The following ULK4 variants were observed in gnomAD, a reference collection of about 807,000 sequenced individuals.
ULK4 encodes inactive serine/threonine-protein kinase ULK4.
Under a neutral mutation model 160.6 loss-of-function variants are expected in ULK4, and 133 were observed. The ratio of observed to expected loss-of-function variants is 0.83; its 90% CI spans 0.72 to 0.96. The LOEUF is 0.96. Among genes scored for constraint, ULK4 ranks in the 40% least tolerant of loss-of-function variants. The pLI is 0.00. For missense variants in ULK4, 1,580 were observed against 1,499.5 expected (o/e 1.05, Z -0.89); for synonymous variants, 534 against 539.8 (o/e 0.99, Z 0.15).
Position 41,835,914 on chromosome 3 carries a change from G to GT in ULK4, c.1713dup (p.Gln572ThrfsTer25). The GT allele has an allele frequency of 1.2e-6, 2 of 1,610,132 alleles. No individual in the cohort carries two copies. The highest frequency in any genetic ancestry group is 1.7e-6 in the Non-Finnish European group (2 of 1,178,800). Reference sequence around the variant, plus strand: ...TCCCCAAGGGTTGGTAAAAGGCACTGTTTTAATTTGCTGTTCCTGAAGTTT... The same window carrying GT: ...TCCCCAAGGGTTGGTAAAAGGCACTGTTTTTAATTTGCTGTTCCTGAAGTTT... On this transcript the variant is annotated frameshift_variant, in exon 18 of 37. Coordinates refer to ENST00000301831, the MANE Select transcript of ULK4 (RefSeq NM_017886.4). LOFTEE classifies it high-confidence loss of function.
intron 31 of ULK4, among the ~76,000 whole-genome samples, chr3:41,574,868 G>T (rs1575436646): frequency 6.6e-6 from 1 of 152,166 alleles, no homozygotes; most frequent in Admixed American, 6.5e-5. Context: ...TTCTAAAGTG[G>T]TAGAGACTCT....
intron 17 of ULK4, among the ~76,000 whole-genome samples, chr3:41,858,608 T>C (rs1184158067): frequency 1.4e-5 from 2 of 144,558 alleles, no homozygotes; most frequent in African/African-American, 5.1e-5. Flanking sequence ...TCCTCCCACC[T>C]CAGCCTCCCA....
At chr3:41,644,502 T>G (rs1460536691) in intron 30 of ULK4, among the ~76,000 whole-genome samples, 5 of 152,222 alleles carry the variant, frequency 3.3e-5, no homozygotes, top group African/African-American at 4.8e-5. Flanking sequence ...CATTTATTGA[T>G]TTGTGTATAT....
At chr3:41,831,517 T>TTATATATATATATA (rs201753249) in intron 18 of ULK4, among the ~76,000 whole-genome samples, 4 of 132,650 alleles carry the variant, frequency 3.0e-5, no homozygotes, top group African/African-American at 1.3e-4. Flanking sequence ...TATTGTTATT[T>TTATATATATATATA]TATATATATA....
chr3:41,472,519 A>G lies in ULK4; in HGVS notation c.3227-9266T>C, dbSNP rs145641517. On this transcript the variant is annotated intron_variant, in intron 32 of 36. Transcript: ENST00000301831. ...AGGAGGTGGAGGTTGCGGTGAGCAG[A>G]GATCACACCACTGCACTCCAGCCTG... Among the ~76,000 whole-genome samples, 557 of 152,020 alleles carry G rather than the reference A, an allele frequency of 3.7e-3. 1 individual carries two copies. Among genetic ancestry groups the G allele is most frequent in the East Asian group, 0.015 (76 of 5,168 alleles).
In ULK4 at chr3:41,279,939, G is replaced by A. The variant is rs533011140; in HGVS notation, c.3679-30365C>T. Among the ~76,000 whole-genome samples, 4 of 152,232 alleles carry A rather than the reference G, an allele frequency of 2.6e-5. No homozygotes were observed. The East Asian group carries it at 5.8e-4, about 22-fold the overall frequency. ...ACACATAGACTCAAAATAAAGGGAT[G>A]CAGGAAGATCTACCAAGCAAATGGA... On this transcript the variant is annotated intron_variant, in intron 35 of 36. Coordinates refer to ENST00000301831, the MANE Select transcript of ULK4 (RefSeq NM_017886.4).
chr3:41,309,588 C>T (rs746757024), intron 35 of ULK4, among the ~76,000 whole-genome samples: 18 of 152,028 alleles, frequency 1.2e-4, no homozygotes, highest in Non-Finnish European at 1.9e-4. Context: ...ACATTTACAA[C>T]AGAATGGCAG....
intron 16 of ULK4, among the ~76,000 whole-genome samples, chr3:41,890,103 T>G (rs1304003183): frequency 1.3e-5 from 2 of 152,200 alleles, no homozygotes; most frequent in African/African-American, 4.8e-5. Context: ...TGGAGAAGAA[T>G]GGGTACTGGG....
intron 34 of ULK4, among the ~76,000 whole-genome samples, chr3:41,434,247 G>A (rs1274500169): frequency 6.6e-6 from 1 of 152,130 alleles, no homozygotes; most frequent in Non-Finnish European, 1.5e-5. Flanking sequence ...TTATTTAGGG[G>A]CAAATATTCC....
chr3:41,915,890 A>C, intron 8 of ULK4, 87 bp downstream of exon 8: 1 of 879,790 alleles, frequency 1.1e-6, no homozygotes, highest in Non-Finnish European at 1.8e-6. Flanking sequence ...AAAAGATTTC[A>C]TTATTTATTC....
rs1188055835 is a variant in ULK4, at chr3:41,295,231, A to AT, written c.3679-45658_3679-45657insA. Reference sequence around the variant, plus strand: ...TTTTTCAAGAAATAGTGTTGGAACAACTGGATATCCACATGCAAAACATGA... The same window carrying AT: ...TTTTTCAAGAAATAGTGTTGGAACAATCTGGATATCCACATGCAAAACATGA... On this transcript the variant is annotated intron_variant, in intron 35 of 36. Coordinates refer to ENST00000301831, the MANE Select transcript of ULK4 (RefSeq NM_017886.4). Among the ~76,000 whole-genome samples, 39 of 136,868 alleles carry AT rather than the reference A, an allele frequency of 2.8e-4. 13 individuals carry two copies. The highest frequency in any genetic ancestry group is 4.0e-4 in the Non-Finnish European group (24 of 60,162). 89.8% of individuals were successfully genotyped at this position (136,868 alleles called of 152,430 possible).
chr3:41,934,753 A>G (rs1699705493), intron 4 of ULK4, among the ~76,000 whole-genome samples: 1 of 152,192 alleles, frequency 6.6e-6, no homozygotes, highest in African/African-American at 2.4e-5. Flanking sequence ...TTTTACCAAA[A>G]GAGAAAATAT....
chr3:41,852,580 A>G (rs1223497172), intron 17 of ULK4, among the ~76,000 whole-genome samples: 1 of 146,238 alleles, frequency 6.8e-6, no homozygotes, highest in Admixed American at 6.8e-5. Context: ...CAAAGACCAA[A>G]AATAGAAAAG....
chr3:41,862,315 C>A (rs961312772), intron 17 of ULK4, among the ~76,000 whole-genome samples: 1 of 152,026 alleles, frequency 6.6e-6, no homozygotes, highest in African/African-American at 2.4e-5. Flanking sequence ...CCTTGAATTT[C>A]TTTTGAGTTT....
chr3:41,293,113 A>T (rs2079603809), intron 35 of ULK4, among the ~76,000 whole-genome samples: 1 of 152,084 alleles, frequency 6.6e-6, no homozygotes, highest in Non-Finnish European at 1.5e-5. Context: ...GGCTCCATCT[A>T]AAAAAGAATA....
chr3:41,604,430 A>G (rs943951612), intron 31 of ULK4, among the ~76,000 whole-genome samples: 21 of 152,132 alleles, frequency 1.4e-4, no homozygotes, highest in African/African-American at 4.1e-4. Flanking sequence ...ATATAGATGA[A>G]AAAACAGAAT....
At chr3:41,493,102 T>C (rs6599157) in intron 32 of ULK4, among the ~76,000 whole-genome samples, 95,884 of 96,386 alleles carry the variant, frequency 0.99, 47,712 homozygotes, top group Middle Eastern at 1. Flanking sequence ...CAGAACTCTC[T>C]ACCCCAAATC....
intron 35 of ULK4, among the ~76,000 whole-genome samples, chr3:41,369,852 C>G (rs910077058): frequency 6.0e-5 from 9 of 150,718 alleles, no homozygotes; most frequent in African/African-American, 2.2e-4. Flanking sequence ...ATACAACAGT[C>G]AGAAAACAAT....
Position 41,589,393 on chromosome 3 carries a change from T to C in ULK4, c.3121-23263A>G, listed in dbSNP as rs544210334. 1.0e-3 allele frequency among the ~76,000 whole-genome samples: 127 copies of C among 124,534 alleles called. No homozygotes were observed. The South Asian group carries it at 0.03, about 29-fold the overall frequency. The allele number at this position is 124,534 out of a possible 152,430, so 81.7% of individuals were successfully genotyped here. A position where few individuals can be genotyped will look rare whatever the true frequency, so the allele number is the denominator to read the frequency against. ...TTCCAGTGGATTTTTGAAATCAATC[T>C]GCATATGCACAGGAAAAAACACCAC... On this transcript the variant is annotated intron_variant, in intron 31 of 36. Transcript: ENST00000301831.
Sources: allele counts gnomAD v4.1 joint callset (sites outside exome capture counted in the v4.1 genomes callset), GRCh38; gene constraint gnomAD v4.1.1; transcripts MANE v1.5; gene names NCBI Gene and HGNC (gene_info 2026-07-23, HGNC 2026-07-21).